Variants in KAZN observed in about 807,000 individuals in gnomAD.
KAZN encodes the protein kazrin, periplakin interacting protein.
KAZN carries 40 observed loss-of-function variants against 87.4 expected under a neutral mutation model. That is an observed-to-expected ratio of 0.46 (90% CI 0.36 to 0.60). The LOEUF (loss-of-function observed/expected upper bound fraction) is 0.60, where lower values mean the gene tolerates loss of function less well. Among genes scored for constraint, KAZN ranks in the 20% least tolerant of loss-of-function variants. The pLI, the probability that KAZN is intolerant of heterozygous loss-of-function variation, is 0.00. For synonymous variants in KAZN, 466 were observed against 458.3 expected (o/e 1.02, Z -0.22); for missense variants, 898 against 1,073.9 (o/e 0.84, Z 2.29).
intron 1 of KAZN, among the ~76,000 whole-genome samples, chr1:14,863,707 A>G (rs1651126462): frequency 6.6e-6 from 1 of 152,148 alleles, no homozygotes. Flanking sequence ...CTCTGAGAAC[A>G]TGGGAGAGGG....
Position 15,066,330 on chromosome 1 carries a change from C to CGGGGGGGGGG in KAZN, c.1222+577_1222+578insGGGGGGGGGG. ...AGAGGATGTGGTCTGTTTTTGATGT[C>CGGGGGGGGGG]CCCCCTCCCGCCCCCCTGGTGTGAA... is the stretch of plus-strand genomic sequence containing the variant. On this transcript the variant is annotated intron_variant, in intron 8 of 14. Transcript: ENST00000376030. This position sits in a 1 kb window ranked among gnomAD's most constrained non-coding sequence, Gnocchi z 4.3. The CGGGGGGGGGG allele has an allele frequency of 1.0e-6, 1 of 983,336 alleles. No individual in the cohort carries two copies. The highest frequency in any genetic ancestry group is 1.2e-6 in the Non-Finnish European group (1 of 828,284). 60.9% of individuals were successfully genotyped at this position (983,336 alleles called of 1,614,324 possible). A position where few individuals can be genotyped will look rare whatever the true frequency, so the allele number is the denominator to read the frequency against.
intron 2 of KAZN, among the ~76,000 whole-genome samples, chr1:14,435,763 C>T (rs1257637155): frequency 6.6e-6 from 1 of 151,106 alleles, no homozygotes; most frequent in Admixed American, 6.6e-5. Context: ...ACGATATCTT[C>T]GAATGGGGAT....
chr1:14,339,595 T>C (rs189884775), intron 2 of KAZN, among the ~76,000 whole-genome samples: 15 of 152,322 alleles, frequency 9.8e-5, no homozygotes, highest in African/African-American at 3.6e-4. Context: ...ATATTCGAGC[T>C]CAAAGGCAGG....
chr1:14,465,949 GTACACACAAA>G (rs1668102238), intron 2 of KAZN, among the ~76,000 whole-genome samples: 2 of 151,974 alleles, frequency 1.3e-5, no homozygotes, highest in South Asian at 4.2e-4. Context: ...GTATGTTTAG[GTACACACAAA>G]TACTCCTCAT....
At chr1:15,005,225 A>G (rs942386337) in intron 2 of KAZN, among the ~76,000 whole-genome samples, 2 of 152,226 alleles carry the variant, frequency 1.3e-5, no homozygotes, top group Non-Finnish European at 2.9e-5. Context: ...CATGTTTTTA[A>G]TCCATTCCAC....
chr1:14,072,969 T>C (rs912225858), intron 1 of KAZN, among the ~76,000 whole-genome samples: 2 of 152,158 alleles, frequency 1.3e-5, no homozygotes, highest in Admixed American at 6.5e-5. Flanking sequence ...ATCCCACTGA[T>C]GGGAGTCTTT....
chr1:14,241,008 G>T (rs911592398), intron 2 of KAZN, among the ~76,000 whole-genome samples: 1 of 152,224 alleles, frequency 6.6e-6, no homozygotes, highest in Non-Finnish European at 1.5e-5. Flanking sequence ...CATCTGTAAA[G>T]TGAGGATCAC....
chr1:14,615,552 G>T (rs1557838536), intron 1 of KAZN, among the ~76,000 whole-genome samples: 1 of 152,054 alleles, frequency 6.6e-6, no homozygotes, highest in Non-Finnish European at 1.5e-5. Flanking sequence ...CTTGAACCCG[G>T]GAGGCAGAGG....
intron 1 of KAZN, among the ~76,000 whole-genome samples, chr1:14,718,273 C>T (rs1041948295): frequency 6.6e-6 from 1 of 152,176 alleles, no homozygotes; most frequent in Non-Finnish European, 1.5e-5. Flanking sequence ...ATGTTGCCAC[C>T]ACATTTGTCC....
intron 4 of KAZN, among the ~76,000 whole-genome samples, chr1:15,054,481 C>T (rs1225585873): frequency 1.3e-5 from 2 of 152,006 alleles, no homozygotes; most frequent in East Asian, 3.9e-4. Flanking sequence ...GCGACCCTGT[C>T]TCTACCAAAA....
chr1:14,438,745 C>T (rs1347133914), intron 2 of KAZN, among the ~76,000 whole-genome samples: 1 of 152,180 alleles, frequency 6.6e-6, no homozygotes, highest in East Asian at 1.9e-4. Context: ...TTTCTCTTTA[C>T]CTTGTGAAAT....
chr1:14,162,349 A>T (rs1188090564), intron 1 of KAZN, among the ~76,000 whole-genome samples: 3 of 152,172 alleles, frequency 2.0e-5, no homozygotes, highest in African/African-American at 7.2e-5. Flanking sequence ...CATTAGAGAA[A>T]ACCACTTCCC....
At chr1:14,211,389 T>G (rs549592787) in intron 2 of KAZN, among the ~76,000 whole-genome samples, 1 of 152,058 alleles carries the variant, frequency 6.6e-6, no homozygotes, top group Non-Finnish European at 1.5e-5. Flanking sequence ...CCCAGCTAAT[T>G]TTGTTTTTGT....
chr1:14,487,819 G>T (rs148659394), intron 2 of KAZN, among the ~76,000 whole-genome samples: 65 of 152,248 alleles, frequency 4.3e-4, no homozygotes, highest in African/African-American at 1.6e-3. Flanking sequence ...AGATGCCATG[G>T]GGCAGAAGGT....
At chr1:14,986,454 T>C (rs1212440250) in intron 2 of KAZN, among the ~76,000 whole-genome samples, 4 of 152,212 alleles carry the variant, frequency 2.6e-5, no homozygotes, top group Non-Finnish European at 2.9e-5. Flanking sequence ...CTTCTCTATA[T>C]GAATATTTTA....
chr1:13,901,812 C>T (rs982769277), intron 1 of KAZN, among the ~76,000 whole-genome samples: 1 of 152,254 alleles, frequency 6.6e-6, no homozygotes, highest in Non-Finnish European at 1.5e-5. Flanking sequence ...TGTGTCTCTC[C>T]AGCTGTCAGC....
intron 1 of KAZN, among the ~76,000 whole-genome samples, chr1:14,117,872 A>C (rs1644662423): frequency 6.6e-6 from 1 of 152,204 alleles, no homozygotes; most frequent in Non-Finnish European, 1.5e-5. Flanking sequence ...TGAACTACCC[A>C]AATGAGAAGG....
intron 1 of KAZN, among the ~76,000 whole-genome samples, chr1:14,173,133 G>T (rs1483191521): frequency 6.6e-6 from 1 of 152,254 alleles, no homozygotes; most frequent in Non-Finnish European, 1.5e-5. Flanking sequence ...CTCAAGGGGA[G>T]GAGTAGCAAA....
chr1:14,149,083 C>CT (rs1645415030), intron 1 of KAZN, among the ~76,000 whole-genome samples: 2 of 120,094 alleles, frequency 1.7e-5, no homozygotes, highest in Non-Finnish European at 1.7e-5. Flanking sequence ...TCCTTCCTTC[C>CT]TTCCTTCCTT....
Sources: gnomAD v4.1 joint callset for allele counts (sites outside exome capture counted in the v4.1 genomes callset) on GRCh38, gnomAD v4.1.1 for gene constraint, Gnocchi (gnomAD v3.1) non-coding constraint, MANE v1.5 for transcripts, NCBI Gene and HGNC (gene_info 2026-07-23, HGNC 2026-07-21) for gene names.